WDFY3: variants seen among roughly 807,000 people sequenced by gnomAD.
WDFY3 encodes the protein WD repeat and FYVE domain-containing protein 3.
In WDFY3, 66 loss-of-function variants were observed where a neutral mutation model predicts 409.6. That is an observed-to-expected ratio of 0.16 (90% CI 0.13 to 0.20). The LOEUF is 0.20. WDFY3 is among the 10% of genes least tolerant of loss of function. WDFY3 has a pLI of 1.00. For synonymous variants in WDFY3, 1,521 were observed against 1,537.1 expected, an observed-to-expected ratio of 0.99 and a Z score of 0.25; for missense variants, 3,031 against 4,298.1, an observed-to-expected ratio of 0.71 and a Z score of 8.24.
chr4:84,869,088 G>A (rs1359514267), intron 3 of WDFY3, among the ~76,000 whole-genome samples: 1 of 152,192 alleles, frequency 6.6e-6, no homozygotes, highest in Non-Finnish European at 1.5e-5. Flanking sequence ...TCACTGACCA[G>A]TATCCTCAGT....
At position 84,696,074 on chromosome 4, in the gene WDFY3, G is replaced by A; in HGVS notation, c.8797C>T (p.His2933Tyr). Residue 2933 changes from histidine (H) to tyrosine (Y), a missense_variant, in exon 58 of 68, where the codon CAT (histidine) becomes TAT (tyrosine). By Grantham distance (83) the His-to-Tyr change is moderately conservative. Around this residue, in one of 16 missense-constraint regions of WDFY3, gnomAD observed 129 missense variants for 305.3 expected, o/e 0.42. Coordinates refer to ENST00000295888, the MANE Select transcript of WDFY3 (RefSeq NM_014991.6). The stretch of plus-strand genomic sequence containing the variant: ...TCCACTTGACCCTCATAAAAAAGAT[G>A]ATGGAAGACATTTACAGCTTCTACT... Reference protein sequence around the residue: ...AAVEAVNVFHHLFYEGQVDIY... With the variant: ...AAVEAVNVFHYLFYEGQVDIY... 3 of 1,614,128 alleles carry A rather than the reference G, an allele frequency of 1.9e-6. No individual in the cohort carries two copies. The highest frequency in any genetic ancestry group is 2.5e-6 in the Non-Finnish European group (3 of 1,180,012).
At chr4:84,677,961 C>CA (rs986393073) in intron 66 of WDFY3, among the ~76,000 whole-genome samples, 1,450 of 20,994 alleles carry the variant, frequency 0.069, 117 homozygotes, top group African/African-American at 0.16. Flanking sequence ...GACCCTGTCT[C>CA]AAAAAAAAAA....
At chr4:84,763,894 A>G (rs1160458485) in intron 32 of WDFY3, among the ~76,000 whole-genome samples, 1 of 152,226 alleles carries the variant, frequency 6.6e-6, no homozygotes, top group Non-Finnish European at 1.5e-5. Context: ...TACTAAAGTG[A>G]CGCAGGACAG....
intron 7 of WDFY3, among the ~76,000 whole-genome samples, chr4:84,833,736 CAGAAG>C (rs929459124): frequency 6.9e-6 from 1 of 144,432 alleles, no homozygotes; most frequent in Non-Finnish European, 1.5e-5. Context: ...CAGAAGAGAA[CAGAAG>C]AGAAGCGAAG....
In WDFY3 at chr4:84,796,613, C is replaced by T; in HGVS notation, c.3075G>A (p.Leu1025=). ...TGTCATGTGGGGTTGTCATGGAGAC[C>T]AGACACTTCACCCTGGTCAGGGGTA... ...STVPLTRVKC[L]VSMTTPHDIR... Residue 1025 remains leucine, a synonymous_variant, in exon 19 of 68, where the codon CTG becomes CTA. Coordinates refer to ENST00000295888, the MANE Select transcript of WDFY3 (RefSeq NM_014991.6). 6.2e-7 allele frequency: 1 copy of T among 1,613,998 alleles called. No individual in the cohort carries two copies. The highest frequency in any genetic ancestry group is 1.1e-5 in the South Asian group (1 of 91,072).
At chr4:84,930,495 A>C (rs1770622618) in intron 2 of WDFY3, among the ~76,000 whole-genome samples, 1 of 152,202 alleles carries the variant, frequency 6.6e-6, no homozygotes, top group Admixed American at 6.5e-5. Flanking sequence ...CCAGAAGTAA[A>C]GGTCACAAAG....
At chr4:84,831,199 A>AG (rs1433415759) in intron 8 of WDFY3, among the ~76,000 whole-genome samples, 4 of 151,930 alleles carry the variant, frequency 2.6e-5, no homozygotes, top group Non-Finnish European at 4.4e-5. Flanking sequence ...AAAAAAAAAA[A>AG]AAAGAAATAT....
chr4:84,854,129 C>T (rs1231930884), intron 4 of WDFY3, among the ~76,000 whole-genome samples: 2 of 152,054 alleles, frequency 1.3e-5, no homozygotes, highest in South Asian at 2.1e-4. Context: ...TCTGAAGAAG[C>T]GACACTGGTG....
chr4:84,861,652 G>T (rs1760655020), intron 3 of WDFY3, among the ~76,000 whole-genome samples: 1 of 152,086 alleles, frequency 6.6e-6, no homozygotes, highest in Non-Finnish European at 1.5e-5. Context: ...GATAAGAAAA[G>T]AATAACTTGT....
intron 30 of WDFY3, among the ~76,000 whole-genome samples, chr4:84,770,174 G>A (rs1392789903): frequency 2.6e-5 from 4 of 151,604 alleles, no homozygotes; most frequent in East Asian, 2.0e-4. Flanking sequence ...GACCACAGGC[G>A]CCCACCACCA....
At chr4:84,798,342 A>G (rs1016400672) in intron 17 of WDFY3, among the ~76,000 whole-genome samples, 5 of 152,226 alleles carry the variant, frequency 3.3e-5, no homozygotes, top group African/African-American at 7.2e-5. Flanking sequence ...TGAGAATATT[A>G]TAATTCATAA....
At chr4:84,806,984 A>G (rs146890652) in intron 15 of WDFY3, among the ~76,000 whole-genome samples, 76 of 152,294 alleles carry the variant, frequency 5.0e-4, no homozygotes, top group African/African-American at 1.8e-3. Flanking sequence ...CTTAAAAAGG[A>G]CTAAATGTTT....
intron 1 of WDFY3, among the ~76,000 whole-genome samples, chr4:84,962,967 C>A (rs530427099): frequency 6.6e-6 from 1 of 151,954 alleles, no homozygotes; most frequent in South Asian, 2.1e-4. Flanking sequence ...AGCCACCATG[C>A]CCGGTCGCCA....
chr4:84,778,393 A>G, intron 27 of WDFY3, 110 bp downstream of exon 27: 2 of 1,011,190 alleles, frequency 2.0e-6, no homozygotes, highest in Non-Finnish European at 2.7e-6. Flanking sequence ...CATGAACATC[A>G]TAAAATTATA....
chr4:84,688,375 A>G (rs1337982320), intron 61 of WDFY3, 110 bp from the exon 62 acceptor site: 2 of 1,086,518 alleles, frequency 1.8e-6, no homozygotes, highest in Non-Finnish European at 2.6e-6. Context: ...CATGCTAGGT[A>G]GTAGGTGACT....
chr4:84,921,041 T>C (rs181269031), intron 2 of WDFY3, among the ~76,000 whole-genome samples: 111 of 152,080 alleles, frequency 7.3e-4, no homozygotes, highest in African/African-American at 2.6e-3. Context: ...TAAATATAGG[T>C]AGGAAAGAAC....
intron 40 of WDFY3, among the ~76,000 whole-genome samples, chr4:84,738,315 G>A (rs1394225398): frequency 6.6e-6 from 1 of 151,926 alleles, no homozygotes; most frequent in Non-Finnish European, 1.5e-5. Flanking sequence ...AAAAGAGAGG[G>A]GCTGGGCATG....
At chr4:84,723,484 T>C (rs1735165160) in intron 46 of WDFY3, among the ~76,000 whole-genome samples, 1 of 152,228 alleles carries the variant, frequency 6.6e-6, no homozygotes, top group African/African-American at 2.4e-5. Context: ...ACTTTAGGGC[T>C]TTATAGACTA....
At chr4:84,697,331 G>GCT (rs1170822748) in intron 56 of WDFY3, among the ~76,000 whole-genome samples, 1 of 152,182 alleles carries the variant, frequency 6.6e-6, no homozygotes, top group Non-Finnish European at 1.5e-5. Context: ...TCTCAAAAGA[G>GCT]CTCTGTAGAA....
Sources: gnomAD v4.1 joint callset for allele counts (sites outside exome capture counted in the v4.1 genomes callset) on GRCh38, gnomAD v4.1.1 for gene constraint, gnomAD v4.1.1 regional missense constraint, MANE v1.5 for transcripts, NCBI Gene and HGNC (gene_info 2026-07-23, HGNC 2026-07-21) for gene names.